TIMD4: variants seen among roughly 807,000 people sequenced by gnomAD.
TIMD4 encodes T cell immunoglobulin and mucin domain containing 4, also known as T-cell immunoglobulin and mucin domain-containing protein 4.
Under a neutral mutation model 41.2 loss-of-function variants are expected in TIMD4, and 31 were observed. The observed-to-expected ratio is 0.75, with a 90% CI of 0.57 to 1.01. The LOEUF is 1.01. Ranked by LOEUF, TIMD4 falls within the 50% of genes least tolerant of loss-of-function variation. The pLI, the probability that TIMD4 is intolerant of heterozygous loss-of-function variation, is 0.00. For synonymous variants in TIMD4, 204 were observed against 177.1 expected, an observed-to-expected ratio of 1.15 and a Z score of -1.21; for missense variants, 479 against 472.5, an observed-to-expected ratio of 1.01 and a Z score of -0.13.
intron 5 of TIMD4, among the ~76,000 whole-genome samples, chr5:156,940,309 C>A (rs1353930323): frequency 6.6e-6 from 1 of 152,226 alleles, no homozygotes; most frequent in African/African-American, 2.4e-5. Context: ...CTTGCTACAA[C>A]CTCCACCTCC....
At chr5:156,932,437 G>A (rs796495894) in intron 5 of TIMD4, among the ~76,000 whole-genome samples, 8 of 152,266 alleles carry the variant, frequency 5.3e-5, no homozygotes, top group African/African-American at 1.9e-4. Flanking sequence ...TAAAAGTACT[G>A]ACATGGAAAG....
intron 3 of TIMD4, 90 bp from the exon 4 acceptor site, chr5:156,949,821 A>G (rs1759819969): frequency 5.1e-6 from 4 of 785,264 alleles, no homozygotes; most frequent in Admixed American, 2.1e-5. Context: ...TCTTTTTTTA[A>G]TTAATTAATT....
At chr5:156,945,211 T>A (rs182730835) in intron 5 of TIMD4, among the ~76,000 whole-genome samples, 277 of 152,360 alleles carry the variant, frequency 1.8e-3, no homozygotes, top group Middle Eastern at 3.4e-3. Flanking sequence ...TAGAGTGATC[T>A]GGAGTTGAAA....
At chr5:156,939,035 G>T (rs548606769) in intron 5 of TIMD4, among the ~76,000 whole-genome samples, 3 of 152,152 alleles carry the variant, frequency 2.0e-5, no homozygotes, top group Non-Finnish European at 4.4e-5. Context: ...CCAGTGTACT[G>T]CTCCTTTGTG....
intron 1 of TIMD4, among the ~76,000 whole-genome samples, chr5:156,961,404 C>G (rs2113402657): frequency 6.6e-6 from 1 of 152,266 alleles, no homozygotes; most frequent in East Asian, 1.9e-4. Context: ...GAAAGGAAAT[C>G]AATTAAAGAG....
intron 5 of TIMD4, among the ~76,000 whole-genome samples, chr5:156,940,150 G>A (rs943732480): frequency 1.3e-5 from 2 of 152,270 alleles, no homozygotes; most frequent in Admixed American, 1.3e-4. Context: ...TGGAGACGGG[G>A]TTTCGCCCTG....
chr5:156,963,005 C>T, intron 1 of TIMD4, 136 bp downstream of exon 1: 2 of 819,272 alleles, frequency 2.4e-6, no homozygotes, highest in South Asian at 1.6e-5. Flanking sequence ...CAGAAGGAAG[C>T]CTGGTAGGGA....
intron 5 of TIMD4, among the ~76,000 whole-genome samples, chr5:156,943,198 T>G (rs910182177): frequency 1.3e-5 from 2 of 152,188 alleles, no homozygotes; most frequent in African/African-American, 4.8e-5. Flanking sequence ...GTTTGTGATC[T>G]GGAATAGCAG....
At chr5:156,934,308 A>C (rs1759499998) in intron 5 of TIMD4, among the ~76,000 whole-genome samples, 1 of 152,282 alleles carries the variant, frequency 6.6e-6, no homozygotes, top group African/African-American at 2.4e-5. Flanking sequence ...TGCAGTGTGC[A>C]ATCAGGGCTC....
At chr5:156,954,342 C>T (rs1413124927) in intron 2 of TIMD4, 73 bp downstream of exon 2, 13 of 1,410,288 alleles carry the variant, frequency 9.2e-6, no homozygotes, top group Non-Finnish European at 1.3e-5. Flanking sequence ...TCTTCACCAC[C>T]ATCCACTGAT....
chr5:156,932,171 T>A (rs1358012779), intron 5 of TIMD4, among the ~76,000 whole-genome samples: 1 of 152,174 alleles, frequency 6.6e-6, no homozygotes, highest in Non-Finnish European at 1.5e-5. Context: ...ATCAAGACAA[T>A]TAAAATTATT....
At position 156,950,821 on chromosome 5, in the gene TIMD4, G is replaced by C. The variant is rs537749572; in HGVS notation, c.679+691C>G. On this transcript the variant is annotated intron_variant, in intron 3 of 8. Transcript: ENST00000274532. ...TCAGGCAGCGACTTAACCCCTGAAA[G>C]AATGGAACTGGAGTCTGACCAGGAG... Among the ~76,000 whole-genome samples, 266 of 152,328 alleles carry C rather than the reference G, an allele frequency of 1.7e-3. 4 individuals are homozygous for C. The highest frequency in any genetic ancestry group is 3.2e-3 in the Admixed American group (49 of 15,296).
intron 5 of TIMD4, among the ~76,000 whole-genome samples, chr5:156,930,982 T>G (rs1015122974): frequency 6.6e-6 from 1 of 152,184 alleles, no homozygotes; most frequent in Admixed American, 6.5e-5. Flanking sequence ...GTGGGTCTCA[T>G]GTAATTACAA....
Position 156,927,937 on chromosome 5 carries a change from A to C in TIMD4, c.845-1625T>G, listed in dbSNP as rs568940610. On this transcript the variant is annotated intron_variant, in intron 5 of 8. Transcript: ENST00000274532. The stretch of plus-strand genomic sequence containing the variant: ...CATTTGAATCTAAATCAAACTCAGG[A>C]AAAAAAGGGTGCAGTTGGAAATACT... 3.3e-5 allele frequency among the ~76,000 whole-genome samples: 5 copies of C among 152,188 alleles called. No individual in the cohort carries two copies. In the East Asian group the frequency reaches 9.7e-4, roughly 29 times the overall value.
chr5:156,920,443 C>T, intron 8 of TIMD4, 21 bp downstream of exon 8: 1 of 1,613,436 alleles, frequency 6.2e-7, no homozygotes. Context: ...TTACAACACC[C>T]ATTCATGCAA....
chr5:156,938,810 G>A (rs1453304671), intron 5 of TIMD4, among the ~76,000 whole-genome samples: 2 of 152,142 alleles, frequency 1.3e-5, no homozygotes, highest in Non-Finnish European at 2.9e-5. Flanking sequence ...TCACTTCATG[G>A]TGACCCTGCT....
intron 1 of TIMD4, among the ~76,000 whole-genome samples, chr5:156,958,083 C>T (rs1423844602): frequency 2.0e-5 from 3 of 151,840 alleles, no homozygotes; most frequent in Admixed American, 1.3e-4. Flanking sequence ...ACCAGCCTGG[C>T]CAACATAGTG....
At chr5:156,939,280 C>T (rs181910646) in intron 5 of TIMD4, among the ~76,000 whole-genome samples, 1 of 152,174 alleles carries the variant, frequency 6.6e-6, no homozygotes, top group South Asian at 2.1e-4. Context: ...ATAGAATCTG[C>T]CTCATAGATT....
chr5:156,942,754 G>C (rs764806088), intron 5 of TIMD4, among the ~76,000 whole-genome samples: 2 of 152,162 alleles, frequency 1.3e-5, no homozygotes, highest in South Asian at 4.1e-4. Flanking sequence ...GCATTAGAAT[G>C]GCAAACTGGA....
Sources: allele counts gnomAD v4.1 joint callset (sites outside exome capture counted in the v4.1 genomes callset), GRCh38; gene constraint gnomAD v4.1.1; transcripts MANE v1.5; gene names NCBI Gene and HGNC (gene_info 2026-07-23, HGNC 2026-07-21).